The following PCDH11X variants were observed in gnomAD, a reference collection of about 807,000 sequenced individuals.
The protein encoded by PCDH11X is protocadherin-11 X-linked.
Under a neutral mutation model 53.3 loss-of-function variants are expected in PCDH11X, and 18 were observed. That is an observed-to-expected ratio of 0.34 (90% CI 0.23 to 0.50). The LOEUF (loss-of-function observed/expected upper bound fraction) is 0.50. Among genes scored for constraint, PCDH11X ranks in the 20% least tolerant of loss-of-function variants. The pLI is 0.98. For missense variants in PCDH11X, 570 were observed against 1,032.4 expected (o/e 0.55, Z 6.14); for synonymous variants, 279 against 393.3 (o/e 0.71, Z 3.44).
In PCDH11X at chrX:92,621,556, G is replaced by T. The variant is rs1156417625; in HGVS notation, c.*2616G>T. On this transcript the variant is annotated 3_prime_UTR_variant, in exon 11 of 11. Coordinates refer to ENST00000682573, the MANE Select transcript of PCDH11X (RefSeq NM_032968.5). ...CAAAGAGGCAAGGGGTATTAGCCCA[G>T]TTATTCTCCCCTATGCCTTCCTTCT... 9.0e-6 allele frequency: 1 copy of T among 110,855 alleles called. No homozygotes were observed. The highest frequency in any genetic ancestry group is 1.9e-5 in the Non-Finnish European group (1 of 52,975). The allele number at this position is 110,855 out of a possible 1,213,427, so 9.1% of individuals were successfully genotyped here.
In PCDH11X at chrX:91,925,067, A is replaced by T. The variant is rs1312580372; in HGVS notation, c.3033+45794A>T. ...AATCAACTAGGCAAACATTATAAAC[A>T]TAAATACAGATGCTCCTCAACTTAC... On this transcript the variant is annotated intron_variant, in intron 6 of 10. Coordinates refer to ENST00000682573, the MANE Select transcript of PCDH11X (RefSeq NM_032968.5). 1.1e-4 allele frequency among the ~76,000 whole-genome samples: 12 copies of T among 109,953 alleles called. No individual in the cohort carries two copies. The Admixed American group carries it at 1.2e-3, about 11-fold the overall frequency.
intron 6 of PCDH11X, among the ~76,000 whole-genome samples, chrX:92,194,813 A>C (rs1035411313): frequency 1.8e-5 from 2 of 111,223 alleles, no homozygotes; most frequent in Non-Finnish European, 3.8e-5. Flanking sequence ...CTGCACAGAA[A>C]CATTAAGAGA....
Position 92,135,396 on chromosome X carries a change from A to T in PCDH11X, c.3034-65979A>T, listed in dbSNP as rs1200197091. Among the ~76,000 whole-genome samples the T allele has an allele frequency of 3.6e-5, 4 of 111,058 alleles. No individual in the cohort carries two copies. The East Asian group carries it at 1.1e-3, about 32-fold the overall frequency. ...GAAATGAATATCCCATCCAGGAATG[A>T]ATAATTTCTTCAAGTATAGTAACAG... On this transcript the variant is annotated intron_variant, in intron 6 of 10. Coordinates refer to ENST00000682573, the MANE Select transcript of PCDH11X (RefSeq NM_032968.5).
At chrX:91,911,337 TAGTA>T (rs1282917565) in intron 6 of PCDH11X, among the ~76,000 whole-genome samples, 1 of 110,033 alleles carries the variant, frequency 9.1e-6, no homozygotes, top group Non-Finnish European at 1.9e-5. Flanking sequence ...TATGGGTATA[TAGTA>T]AGTGTGTATA....
At chrX:92,575,997 TATATATATATATATAC>T (rs569252684) in intron 10 of PCDH11X, among the ~76,000 whole-genome samples, 975 of 63,526 alleles carry the variant, frequency 0.015, 63 homozygotes, top group African/African-American at 0.082. Context: ...TATATATATA[TATATATATATATATAC>T]ACACACACAC....
intron 8 of PCDH11X, among the ~76,000 whole-genome samples, chrX:92,376,760 C>A: frequency 9.0e-6 from 1 of 110,765 alleles, no homozygotes; most frequent in East Asian, 2.8e-4. Context: ...ATAAATAAAT[C>A]CTGTACTTAT....
chrX:92,005,759 C>A (rs1298422142), intron 6 of PCDH11X, among the ~76,000 whole-genome samples: 3 of 111,935 alleles, frequency 2.7e-5, no homozygotes, highest in African/African-American at 9.7e-5. Context: ...AATTGAAGTA[C>A]TCCCTATAGC....
intron 8 of PCDH11X, among the ~76,000 whole-genome samples, chrX:92,354,444 A>G (rs1375733778): frequency 9.2e-6 from 1 of 108,845 alleles, no homozygotes; most frequent in African/African-American, 3.4e-5. Flanking sequence ...ATGTATTCCT[A>G]CAAAAACCAT....
At chrX:92,562,977 C>T (rs2075155269) in intron 10 of PCDH11X, among the ~76,000 whole-genome samples, 1 of 106,530 alleles carries the variant, frequency 9.4e-6, no homozygotes, top group Admixed American at 1.0e-4. Context: ...CAGTTTCTGT[C>T]TGCTACCCAA....
chrX:92,544,457 A>T (rs2074810987), intron 10 of PCDH11X, among the ~76,000 whole-genome samples: 1 of 111,385 alleles, frequency 9.0e-6, no homozygotes, highest in Non-Finnish European at 1.9e-5. Context: ...GTGGGACTAG[A>T]AAAACTTTTG....
intron 6 of PCDH11X, among the ~76,000 whole-genome samples, chrX:91,962,577 A>AGT (rs749623502): frequency 9.0e-6 from 1 of 111,469 alleles, no homozygotes; most frequent in East Asian, 2.9e-4. Context: ...GCAAGCTGTC[A>AGT]GTGGATCTAC....
intron 7 of PCDH11X, among the ~76,000 whole-genome samples, chrX:92,255,147 C>T (rs1279052898): frequency 1.3e-4 from 14 of 107,230 alleles, no homozygotes; most frequent in Non-Finnish European, 2.5e-4. Context: ...TTTCTTTTTA[C>T]TCTTTTTTCT....
chrX:91,864,381 T>C (rs1357857666), intron 5 of PCDH11X, among the ~76,000 whole-genome samples: 1 of 104,147 alleles, frequency 9.6e-6, no homozygotes, highest in Non-Finnish European at 1.9e-5. Flanking sequence ...CTCCATTGTG[T>C]GTGTGTGTGT....
At chrX:92,481,701 G>C (rs143570698) in intron 10 of PCDH11X, among the ~76,000 whole-genome samples, 1,537 of 111,766 alleles carry the variant, frequency 0.014, 12 homozygotes, top group Non-Finnish European at 0.019. Context: ...AGTCAAGCCT[G>C]GGGGGTGAGA....
At chrX:92,359,867 G>A (rs1346041289) in intron 8 of PCDH11X, among the ~76,000 whole-genome samples, 2 of 110,173 alleles carry the variant, frequency 1.8e-5, no homozygotes, top group African/African-American at 6.6e-5. Flanking sequence ...ACACAATATT[G>A]ACCCATGAAA....
At chrX:92,206,008 G>A (rs2066469750) in intron 7 of PCDH11X, among the ~76,000 whole-genome samples, 1 of 111,832 alleles carries the variant, frequency 8.9e-6, no homozygotes, top group African/African-American at 3.3e-5. Flanking sequence ...CAATTCTTTT[G>A]TCTGTTAACA....
At chrX:91,999,559 A>G (rs774142608) in intron 6 of PCDH11X, among the ~76,000 whole-genome samples, 5 of 111,192 alleles carry the variant, frequency 4.5e-5, no homozygotes, top group Admixed American at 3.9e-4. Context: ...ATAAACTTAG[A>G]AGAAAAAATA....
intron 6 of PCDH11X, among the ~76,000 whole-genome samples, chrX:92,061,893 G>C (rs760783853): frequency 8.1e-5 from 9 of 111,653 alleles, no homozygotes; most frequent in Non-Finnish European, 1.5e-4. Context: ...CACTGAATCT[G>C]TAAATTGCTT....
intron 6 of PCDH11X, among the ~76,000 whole-genome samples, chrX:91,935,993 G>A (rs2061440508): frequency 9.4e-6 from 1 of 106,554 alleles, no homozygotes; most frequent in Non-Finnish European, 1.9e-5. Flanking sequence ...GATTGTTGAT[G>A]TTTCTTACCA....
Sources: gnomAD v4.1 joint callset for allele counts (sites outside exome capture counted in the v4.1 genomes callset) on GRCh38, gnomAD v4.1.1 for gene constraint, MANE v1.5 for transcripts, NCBI Gene and HGNC (gene_info 2026-07-23, HGNC 2026-07-21) for gene names.